The following SLC5A11 variants were observed in gnomAD, a reference collection of about 807,000 sequenced individuals.
SLC5A11 encodes the protein sodium/myo-inositol cotransporter 2.
A neutral mutation model predicts 69.8 loss-of-function variants in SLC5A11; 48 were observed. The observed-to-expected ratio is 0.69, with a 90% confidence interval of 0.55 to 0.87. SLC5A11 has a LOEUF of 0.87. Ranked by LOEUF, SLC5A11 falls within the 40% of genes least tolerant of loss-of-function variation. The pLI, the probability that SLC5A11 is intolerant of heterozygous loss-of-function variation, is 0.00. For synonymous variants in SLC5A11, 319 were observed against 342.4 expected (o/e 0.93, Z 0.75); for missense variants, 784 against 866.1 (o/e 0.91, Z 1.19).
chr16:24,894,171 G>A (rs1257176990), intron 9 of SLC5A11, among the ~76,000 whole-genome samples: 3 of 152,074 alleles, frequency 2.0e-5, no homozygotes, highest in South Asian at 2.1e-4. Context: ...ACCTAAGTCC[G>A]TCTGCACTTT....
intron 1 of SLC5A11, among the ~76,000 whole-genome samples, chr16:24,846,966 T>C (rs1342271792): frequency 1.3e-5 from 2 of 152,144 alleles, no homozygotes; most frequent in Admixed American, 1.3e-4. Flanking sequence ...AGAAACCCTG[T>C]AAGGTAGGTA....
At chr16:24,846,936 G>A (rs1246622761) in intron 1 of SLC5A11, among the ~76,000 whole-genome samples, 2 of 152,192 alleles carry the variant, frequency 1.3e-5, no homozygotes, top group Admixed American at 1.3e-4. Context: ...CTTTACGCCT[G>A]GATCTCATCT....
intron 2 of SLC5A11, among the ~76,000 whole-genome samples, 166 bp from the exon 4 acceptor site, chr16:24,862,435 C>A (rs1054944769): frequency 1.3e-5 from 2 of 152,198 alleles, no homozygotes; most frequent in African/African-American, 4.8e-5. Context: ...TCTAAAGACA[C>A]AAAATTAAAA....
chr16:24,903,974 C>G (rs1192501209), intron 10 of SLC5A11, among the ~76,000 whole-genome samples: 1 of 152,140 alleles, frequency 6.6e-6, no homozygotes, highest in Non-Finnish European at 1.5e-5. Flanking sequence ...TTGGAGAGGC[C>G]TCAGGAAACT....
At chr16:24,877,035 C>T (rs2152320415) in intron 6 of SLC5A11, 1 of 1,349,976 alleles carries the variant, frequency 7.4e-7, no homozygotes, top group African/African-American at 1.5e-5. Context: ...AAAGCAGAAG[C>T]AGGAAGACCA....
chr16:24,902,256 C>A (rs2049685755), intron 10 of SLC5A11, among the ~76,000 whole-genome samples: 2 of 151,986 alleles, frequency 1.3e-5, no homozygotes, highest in African/African-American at 4.8e-5. Context: ...CAACAGTTGA[C>A]CCATGCAATG....
At position 24,851,382 on chromosome 16, in the gene SLC5A11, C is replaced by T. The variant is rs533264530; in HGVS notation, c.-25+4944C>T. Among the ~76,000 whole-genome samples, 17 of 152,068 alleles carry T rather than the reference C, an allele frequency of 1.1e-4. No homozygotes were observed. In the East Asian group the frequency reaches 1.6e-3, roughly 14 times the overall value. Reference sequence around the variant, plus strand: ...ACAAAAAAAGAAAAAAAAAATTAGCCGGACGTGGTTGCAAACGCCTGTAAT... The same window carrying T: ...ACAAAAAAAGAAAAAAAAAATTAGCTGGACGTGGTTGCAAACGCCTGTAAT... On this transcript the variant is annotated intron_variant, in intron 1 of 15. Transcript: ENST00000347898.
intron 3 of SLC5A11, 96 bp from the exon 5 acceptor site, chr16:24,869,800 ACTTCT>A: frequency 2.5e-6 from 2 of 803,092 alleles, no homozygotes; most frequent in Non-Finnish European, 4.1e-6. Flanking sequence ...GCCTTCCTCT[ACTTCT>A]CTTCTCTGTC....
intron 7 of SLC5A11, among the ~76,000 whole-genome samples, chr16:24,882,523 T>C (rs1171728756): frequency 6.6e-6 from 1 of 152,166 alleles, no homozygotes; most frequent in Non-Finnish European, 1.5e-5. Flanking sequence ...ATGTTTCTAT[T>C]GGATAAGTGT....
intron 1 of SLC5A11, among the ~76,000 whole-genome samples, chr16:24,848,139 A>G (rs951447147): frequency 6.6e-6 from 1 of 152,222 alleles, no homozygotes; most frequent in African/African-American, 2.4e-5. Flanking sequence ...AGGGAACAGA[A>G]TGGCAAAGAC....
chr16:24,891,170 T>A, intron 9 of SLC5A11, 96 bp downstream of exon 10: 1 of 1,226,660 alleles, frequency 8.2e-7, no homozygotes, highest in Non-Finnish European at 1.2e-6. Flanking sequence ...ATCTCTTCTC[T>A]CATTTGCGTT....
intron 6 of SLC5A11, 191 bp from the exon 8 acceptor site, chr16:24,877,067 C>T (rs2047722465): frequency 4.2e-6 from 6 of 1,442,018 alleles, no homozygotes; most frequent in Non-Finnish European, 4.6e-6. Context: ...GCTGCATCAG[C>T]CCAGGGCCCA....
intron 9 of SLC5A11, among the ~76,000 whole-genome samples, chr16:24,893,948 C>T (rs534923939): frequency 2.6e-4 from 39 of 152,296 alleles, no homozygotes; most frequent in African/African-American, 8.2e-4. Context: ...ATTTCTATTT[C>T]GTTGACCTGT....
rs1363452124 is a variant in SLC5A11, at chr16:24,884,213, C to T, written c.664+82C>T. ...TATCTGCTCTCCACACTGTGAACGG[C>T]AAACCTAGCTGTCAAAGAGCATACT... On this transcript the variant is annotated intron_variant, in intron 8 of 15. Coordinates refer to ENST00000347898, the Ensembl canonical transcript of SLC5A11. The T allele has an allele frequency of 2.9e-6, 4 of 1,361,530 alleles. No individual in the cohort carries two copies. In the African/African-American group the frequency reaches 5.7e-5, roughly 19 times the overall value. The allele number at this position is 1,361,530 out of a possible 1,614,324, so 84.3% of individuals were successfully genotyped here.
chr16:24,862,784 C>A (rs1302603515), intron 3 of SLC5A11, 112 bp downstream of exon 4: 1 of 890,030 alleles, frequency 1.1e-6, no homozygotes, highest in South Asian at 2.3e-5. Flanking sequence ...GTTTGGAAGT[C>A]ATTGTCTAAA....
intron 12 of SLC5A11, 63 bp from the exon 14 acceptor site, chr16:24,907,896 CAGAG>C: frequency 1.3e-6 from 2 of 1,585,728 alleles, no homozygotes; most frequent in Non-Finnish European, 1.7e-6. Flanking sequence ...TTAAAAGAGA[CAGAG>C]AGAGGGAAAG....
intron 3 of SLC5A11, among the ~76,000 whole-genome samples, chr16:24,867,544 T>C (rs2046991762): frequency 6.6e-6 from 1 of 152,016 alleles, no homozygotes; most frequent in Admixed American, 6.6e-5. Flanking sequence ...AAATGTAGAA[T>C]AGAAAACTGT....
At chr16:24,908,375 G>A (rs1057127728) in intron 13 of SLC5A11, among the ~76,000 whole-genome samples, 2 of 152,072 alleles carry the variant, frequency 1.3e-5, no homozygotes, top group Non-Finnish European at 2.9e-5. Flanking sequence ...GAGGTGGGTG[G>A]ATCACTTGAG....
intron 7 of SLC5A11, among the ~76,000 whole-genome samples, chr16:24,883,621 C>T (rs2048188637): frequency 6.6e-6 from 1 of 152,226 alleles, no homozygotes; most frequent in African/African-American, 2.4e-5. Context: ...AGGATGGCCT[C>T]ACTCACATGG....
Sources: gnomAD v4.1 joint callset for allele counts (sites outside exome capture counted in the v4.1 genomes callset) on GRCh38, gnomAD v4.1.1 for gene constraint, MANE v1.5 for transcripts, NCBI Gene and HGNC (gene_info 2026-07-23, HGNC 2026-07-21) for gene names.